Variants in SMARCA4 observed in about 807,000 individuals in gnomAD.
SMARCA4 encodes SWI/SNF related BAF chromatin remodeling complex subunit ATPase 4.
In SMARCA4, 31 loss-of-function variants were observed where a neutral mutation model predicts 193.9. That is an observed-to-expected ratio of 0.16 (90% CI 0.12 to 0.22). The LOEUF (loss-of-function observed/expected upper bound fraction) is 0.22. Among genes scored for constraint, SMARCA4 ranks in the 10% least tolerant of loss-of-function variants. The pLI, the probability that SMARCA4 is intolerant of heterozygous loss-of-function variation, is 1.00. For synonymous variants in SMARCA4, 942 were observed against 933.1 expected (o/e 1.01, Z -0.17); for missense variants, 1,148 against 2,296.0 (o/e 0.50, Z 10.22).
chr19:11,056,805 G>T (rs1265901461), intron 30 of SMARCA4, among the ~76,000 whole-genome samples: 11 of 152,244 alleles, frequency 7.2e-5, no homozygotes, highest in Non-Finnish European at 1.6e-4. Flanking sequence ...CTCACGAGCA[G>T]CTTCCTGGAG....
chr19:10,978,491 C>T (rs1208885644), intron 1 of SMARCA4, among the ~76,000 whole-genome samples: 2 of 152,036 alleles, frequency 1.3e-5, no homozygotes, highest in African/African-American at 4.8e-5. Flanking sequence ...GCACCCACCA[C>T]GCCTGGCTAA....
intron 9 of SMARCA4, chr19:10,995,472 G>A (rs978104636): frequency 4.4e-6 from 2 of 457,326 alleles, no homozygotes; most frequent in Admixed American, 4.7e-5. Context: ...CGCGAATGAA[G>A]CAAACAGAGT....
rs535299273 is a variant in SMARCA4 at position 10,986,240 on chromosome 19, C to T, written c.407C>T (p.Ala136Val). ...GAGCATGCCTCTAGTCCAGTTCCAGCCAGTGGCCCGTCTTCGGGGCCCCAG... is the reference window on the plus strand; with the variant it reads ...GAGCATGCCTCTAGTCCAGTTCCAGTCAGTGGCCCGTCTTCGGGGCCCCAG... ...GSEHASSPVP[A>V]SGPSSGPQMS... is the part of the protein sequence containing the mutation. The change falls in exon 4 of 35, where the codon GCC becomes GTC. Residue 136 changes from alanine (A) to valine (V), a missense_variant. By Grantham distance (64) the Ala-to-Val change is moderately conservative. Transcript: ENST00000344626. The surrounding 1 kb of genome is among the most constrained non-coding windows in gnomAD (Gnocchi z 6.7). 73 of 1,613,988 alleles carry T rather than the reference C, an allele frequency of 4.5e-5. 1 individual carries two copies. The South Asian group carries it at 7.0e-4, about 16-fold the overall frequency.
At position 11,027,937 on chromosome 19, in the gene SMARCA4, C is replaced by A. The variant is rs749098923; in HGVS notation, c.3369C>A (p.Tyr1123Ter). ...ACTTTGCGTATCGCGGCTTTAAATA[C>A]CTCAGGCTTGATGGTGAGTATGAGC... ...EDYFAYRGFK[Y>*]LRLDGTTKAE... Residue 1123 changes from tyrosine to a stop codon, truncating the protein, a stop_gained, in exon 24 of 35, where the codon TAC becomes TAA. Transcript: ENST00000344626. LOFTEE classifies it high-confidence loss of function. 6.2e-7 allele frequency: 1 copy of A among 1,614,168 alleles called. No homozygotes were observed. Among genetic ancestry groups the A allele is most frequent in the Non-Finnish European group, 8.5e-7 (1 of 1,180,020 alleles).
chr19:11,059,062 A>G (rs2147102292), intron 32 of SMARCA4, 173 bp downstream of exon 32: 1 of 620,552 alleles, frequency 1.6e-6, no homozygotes, highest in Non-Finnish European at 2.9e-6. Flanking sequence ...ATCACTTGAG[A>G]CCAGGAGTTC....
rs2146097748 is a variant in SMARCA4 at position 11,003,115 on chromosome 19, C to A, written c.1899C>A (p.Ala633=). ...ESGKILTGTD[A]PKAGQLEAWL... ...GGAAGATCCTCACAGGCACAGATGC[C>A]CCCAAAGCCGGGCAGCTGGAGGCCT... Residue 633 remains alanine (A), a synonymous_variant, in exon 12 of 35, where the codon GCC becomes GCA. Transcript: ENST00000344626. 1.9e-6 allele frequency: 3 copies of A among 1,614,110 alleles called. No homozygotes were observed. Among genetic ancestry groups the A allele is most frequent in the Non-Finnish European group, 1.7e-6 (2 of 1,180,012 alleles).
At chr19:11,026,252 G>C (rs547951596) in intron 22 of SMARCA4, 48 bp from the exon 23 acceptor site, 1 of 1,515,576 alleles carries the variant, frequency 6.6e-7, no homozygotes, top group Non-Finnish European at 9.2e-7. Context: ...AGCGGGGCCC[G>C]GTGGCCTGCT....
chr19:11,046,544 A>G (rs1376966621), intron 30 of SMARCA4, among the ~76,000 whole-genome samples: 1 of 152,220 alleles, frequency 6.6e-6, no homozygotes, highest in Non-Finnish European at 1.5e-5. Context: ...ATGACTATTA[A>G]AGAAAGCCTC....
intron 16 of SMARCA4, 68 bp downstream of exon 16, chr19:11,013,180 G>A (rs2146284690): frequency 6.4e-7 from 1 of 1,559,340 alleles, no homozygotes; most frequent in South Asian, 1.1e-5. Flanking sequence ...TCCTAAGTTT[G>A]CCGCAGTAGA....
intron 1 of SMARCA4, among the ~76,000 whole-genome samples, chr19:10,973,033 C>T (rs1226248927): frequency 6.6e-6 from 1 of 151,396 alleles, no homozygotes; most frequent in Admixed American, 6.6e-5. Context: ...TGCTTGAACC[C>T]GGGAGGCCGA....
intron 34 of SMARCA4, 85 bp downstream of exon 34, chr19:11,060,272 G>A (rs1202197029): frequency 6.1e-6 from 9 of 1,479,888 alleles, no homozygotes; most frequent in South Asian, 6.1e-5. Flanking sequence ...GTGGGGCGGT[G>A]CTCCCACGCC....
At chr19:10,999,379 G>A (rs2087406031) in intron 11 of SMARCA4, among the ~76,000 whole-genome samples, 2 of 152,132 alleles carry the variant, frequency 1.3e-5, no homozygotes, top group Admixed American at 1.3e-4. Flanking sequence ...ACTTGTGGCT[G>A]GGCATGGTGG....
chr19:11,036,547 C>T (rs959626105), intron 29 of SMARCA4, among the ~76,000 whole-genome samples: 1 of 152,170 alleles, frequency 6.6e-6, no homozygotes, highest in South Asian at 2.1e-4. Context: ...GCATGAGCCA[C>T]GGTGCCCAGC....
At chr19:11,010,821 G>A (rs2088761129) in intron 15 of SMARCA4, 2 of 457,726 alleles carry the variant, frequency 4.4e-6, no homozygotes, top group East Asian at 4.4e-5. Context: ...AGAGGAGACG[G>A]GGCCACCTGA....
chr19:10,995,925 G>A (rs1236288335), intron 9 of SMARCA4: 4 of 482,938 alleles, frequency 8.3e-6, no homozygotes, highest in East Asian at 4.2e-5. Flanking sequence ...AGAAGGCTTC[G>A]GGTTTGGGGT....
In SMARCA4 at chr19:10,986,003, C is replaced by T. The variant is rs2085992934; in HGVS notation, c.356-186C>T. 6.6e-6 allele frequency among the ~76,000 whole-genome samples: 1 copy of T among 152,194 alleles called. No individual in the cohort carries two copies. The highest frequency in any genetic ancestry group is 2.4e-5 in the African/African-American group (1 of 41,428). ...ACTGAGACGTGGGCCAAACCAAATC[C>T]ACCAGGTCGGCTGCTGGGCTGAGGT... On this transcript the variant is annotated intron_variant, in intron 3 of 34. Transcript: ENST00000344626. The surrounding 1 kb of genome is among the most constrained non-coding windows in gnomAD (Gnocchi z 6.7).
Position 11,061,998 on chromosome 19 carries a change from T to C in SMARCA4, c.*182T>C. 1.5e-6 allele frequency: 1 copy of C among 659,142 alleles called. No homozygotes were observed. 40.8% of individuals were successfully genotyped at this position (659,142 alleles called of 1,614,324 possible). A position where few individuals can be genotyped will look rare whatever the true frequency, so the allele number is the denominator to read the frequency against. ...GGACTGTTTGTGACTGGCCCTGTCCTGGCATCAGTAGCATCTGTAACAGCA... is the reference window on the plus strand; with the variant it reads ...GGACTGTTTGTGACTGGCCCTGTCCCGGCATCAGTAGCATCTGTAACAGCA... On this transcript the variant is annotated 3_prime_UTR_variant, in exon 35 of 35. Transcript: ENST00000344626.
chr19:10,979,730 A>G (rs2085415138), intron 1 of SMARCA4, among the ~76,000 whole-genome samples: 1 of 151,050 alleles, frequency 6.6e-6, no homozygotes, highest in African/African-American at 2.4e-5. Context: ...TATATAATAT[A>G]TGTATTATAG....
intron 30 of SMARCA4, among the ~76,000 whole-genome samples, chr19:11,044,316 C>T (rs2075780778): frequency 6.6e-6 from 1 of 152,174 alleles, no homozygotes; most frequent in Admixed American, 6.5e-5. Flanking sequence ...GCATCGATTT[C>T]TTCCACGGGA....
Sources: gnomAD v4.1 joint callset for allele counts (sites outside exome capture counted in the v4.1 genomes callset) on GRCh38, gnomAD v4.1.1 for gene constraint, Gnocchi (gnomAD v3.1) non-coding constraint, MANE v1.5 for transcripts, NCBI Gene and HGNC (gene_info 2026-07-23, HGNC 2026-07-21) for gene names.